Variants in PLEKHG4 observed in about 807,000 individuals in gnomAD.
PLEKHG4 encodes puratrophin-1.
A neutral mutation model predicts 136.9 loss-of-function variants in PLEKHG4; 85 were observed. The ratio of observed to expected loss-of-function variants is 0.62; its 90% CI spans 0.52 to 0.74. The LOEUF (loss-of-function observed/expected upper bound fraction) is 0.74, where lower values mean the gene tolerates loss of function less well. PLEKHG4 is among the 30% of genes least tolerant of loss of function. The probability of loss-of-function intolerance (pLI) is 0.00; values close to 1 mark genes in which losing one functional copy is unlikely to be tolerated. For missense variants in PLEKHG4, 1,317 were observed against 1,527.8 expected, an observed-to-expected ratio of 0.86 and a Z score of 2.30; for synonymous variants, 577 against 646.9, an observed-to-expected ratio of 0.89 and a Z score of 1.64.
chr16:67,288,061 G>T, intron 19 of PLEKHG4, 47 bp downstream of exon 19: 1 of 1,541,312 alleles, frequency 6.5e-7, no homozygotes, highest in East Asian at 2.2e-5. Flanking sequence ...GGAAAGCTGT[G>T]CGGGAAGCAC....
chr16:67,288,407 C>A lies in PLEKHG4; in HGVS notation c.3454+7C>A. 4 of 1,612,368 alleles carry A rather than the reference C, an allele frequency of 2.5e-6. No homozygotes were observed. The highest frequency in any genetic ancestry group is 3.4e-6 in the Non-Finnish European group (4 of 1,179,594). On this transcript the variant is annotated splice_region_variant and intron_variant, in intron 20 of 21. Transcript: ENST00000379344. ...GGCGGCCAGCCCTCTTTGAGTATGT[C>A]TGGGCCTAGCCAGAGGCAGGAGGGC...
chr16:67,282,278 A>G lies in PLEKHG4; in HGVS notation c.1182A>G (p.Gln394=). 1 of 1,613,298 alleles carries G rather than the reference A, an allele frequency of 6.2e-7. No individual in the cohort carries two copies. Among genetic ancestry groups the G allele is most frequent in the Non-Finnish European group, 8.5e-7 (1 of 1,180,002 alleles). Residue 394 remains glutamine, a synonymous_variant, in exon 9 of 22, where the codon CAA becomes CAG. Coordinates refer to ENST00000379344, the MANE Select transcript of PLEKHG4 (RefSeq NM_001129729.3). ...ACTCGCCATGGCTGGCATGGCTACA[A>G]TGCCAGGGGGGCCGGGAGCTGACAT... ...VLDSPWLAWL[Q]CQGGRELTWL...
At position 67,284,594 on chromosome 16, in the gene PLEKHG4, G is replaced by A; in HGVS notation, c.1693-119G>A. 1 of 1,482,898 alleles carries A rather than the reference G, an allele frequency of 6.7e-7. No individual in the cohort carries two copies. Among genetic ancestry groups the A allele is most frequent in the Non-Finnish European group, 9.3e-7 (1 of 1,079,532 alleles). 91.9% of individuals were successfully genotyped at this position (1,482,898 alleles called of 1,614,324 possible). ...GTCTTCAGTTTGACCCTAAAACCCA[G>A]TCACTGGGGCTGTGTCCTGGACAGC... On this transcript the variant is annotated intron_variant, in intron 12 of 21. Coordinates refer to ENST00000379344, the MANE Select transcript of PLEKHG4 (RefSeq NM_001129729.3). This position sits in a 1 kb window ranked among gnomAD's most constrained non-coding sequence, Gnocchi z 4.4.
Position 67,282,492 on chromosome 16 carries a change from C to A in PLEKHG4, c.1254-11C>A. On this transcript the variant is annotated splice_polypyrimidine_tract_variant and intron_variant, in intron 9 of 21. Coordinates refer to ENST00000379344, the MANE Select transcript of PLEKHG4 (RefSeq NM_001129729.3). ...AAGGCAGGGGGTCTAAGATGGTATA[C>A]CCTACACCAGGACGGCAATGGACAA... 2.5e-6 allele frequency: 4 copies of A among 1,613,808 alleles called. No individual in the cohort carries two copies. Among genetic ancestry groups the A allele is most frequent in the Non-Finnish European group, 3.4e-6 (4 of 1,180,036 alleles).
intron 18 of PLEKHG4, 111 bp downstream of exon 18, chr16:67,287,288 C>A: frequency 5.5e-6 from 6 of 1,086,270 alleles, no homozygotes; most frequent in South Asian, 1.3e-5. Flanking sequence ...GAAGGCCCAG[C>A]GACAGCCACC....
In PLEKHG4 at chr16:67,287,303, C is replaced by T. The variant is rs1028102810; in HGVS notation, c.3103+126C>T. ...GAAGGCCCAGCGACAGCCACCAGTG[C>T]AGGAGAAAGGATTTCAAAGCCAGGC... On this transcript the variant is annotated intron_variant, in intron 18 of 21. Transcript: ENST00000379344. The T allele has an allele frequency of 1.1e-5, 11 of 962,276 alleles. No individual in the cohort carries two copies. In the South Asian group the frequency reaches 1.2e-4, roughly 11 times the overall value. 59.6% of individuals were successfully genotyped at this position (962,276 alleles called of 1,614,324 possible).
rs537534872 is a variant in PLEKHG4, at chr16:67,280,646, C to G, written c.500-65C>G. 2 of 1,612,048 alleles carry G rather than the reference C, an allele frequency of 1.2e-6. No homozygotes were observed. The highest frequency in any genetic ancestry group is 1.7e-5 in the Admixed American group (1 of 60,020). On this transcript the variant is annotated intron_variant, in intron 2 of 21. Transcript: ENST00000379344. The surrounding 1 kb of genome is among the most constrained non-coding windows in gnomAD (Gnocchi z 4.4). ...CTCTGACCCTACTCAGGCTGAAGCC[C>G]GGGTCCAAGTAGGGGTCTCTGGATA...
rs1026396643 is a variant in PLEKHG4, at chr16:67,279,551, C to G, written c.-245C>G. ...TGTCCCGTGACGCCGCGCGGCCGCG[C>G]TGTAGTGGCCGTCGAGGCCGCCGTC... On this transcript the variant is annotated 5_prime_UTR_variant, in exon 1 of 22. Transcript: ENST00000379344. 1.3e-5 allele frequency: 2 copies of G among 152,190 alleles called. No homozygotes were observed. Among genetic ancestry groups the G allele is most frequent in the African/African-American group, 4.8e-5 (2 of 41,426 alleles). The allele number at this position is 152,190 out of a possible 1,614,324, so 9.4% of individuals were successfully genotyped here.
chr16:67,288,183 G>T lies in PLEKHG4; in HGVS notation c.3237G>T (p.Ala1079=), dbSNP rs147886474. ...VLKCREVRSR[A]SIAVAPFDHD... ...CTTATGCAGAAGTTCGCTCTCGGGC[G>T]TCCATTGCCGTAGCCCCGTTTGACC... Residue 1079 remains alanine, a synonymous_variant, in exon 20 of 22, where the codon GCG becomes GCT. Transcript: ENST00000379344. The T allele has an allele frequency of 1.2e-6, 2 of 1,613,912 alleles. No homozygotes were observed. Among genetic ancestry groups the T allele is most frequent in the Admixed American group, 1.7e-5 (1 of 60,024 alleles).
chr16:67,284,272 C>T lies in PLEKHG4; in HGVS notation c.1510-3C>T. On this transcript the variant is annotated splice_region_variant and splice_polypyrimidine_tract_variant and intron_variant, in intron 11 of 21. Transcript: ENST00000379344. This position sits in a 1 kb window ranked among gnomAD's most constrained non-coding sequence, Gnocchi z 4.4. Reference sequence around the variant, plus strand: ...TGGCTGAGCCTAGTCTCTGTCTCTGCAGGAGCAGGTCAGGCAAGGGGAGAA... The same window carrying T: ...TGGCTGAGCCTAGTCTCTGTCTCTGTAGGAGCAGGTCAGGCAAGGGGAGAA... The T allele has an allele frequency of 8.7e-6, 14 of 1,613,474 alleles. No individual in the cohort carries two copies. Among genetic ancestry groups the T allele is most frequent in the Non-Finnish European group, 1.2e-5 (14 of 1,179,754 alleles).
Position 67,289,195 on chromosome 16 carries a change from C to A in PLEKHG4, c.*387C>A. Reference sequence around the variant, plus strand: ...AGGAAGAACACAGGTGGGCTCCTAGCAGCTGATCCCCAATGCCTGGCCTTA... The same window carrying A: ...AGGAAGAACACAGGTGGGCTCCTAGAAGCTGATCCCCAATGCCTGGCCTTA... On this transcript the variant is annotated 3_prime_UTR_variant, in exon 22 of 22. Coordinates refer to ENST00000379344, the MANE Select transcript of PLEKHG4 (RefSeq NM_001129729.3). 1 of 448,100 alleles carries A rather than the reference C, an allele frequency of 2.2e-6. No homozygotes were observed. The highest frequency in any genetic ancestry group is 2.4e-5 in the South Asian group (1 of 42,292). The allele number at this position is 448,100 out of a possible 1,614,324, so 27.8% of individuals were successfully genotyped here.
intron 18 of PLEKHG4, chr16:67,287,653 A>T (rs1264984789): frequency 1.7e-6 from 1 of 574,140 alleles, no homozygotes; most frequent in Non-Finnish European, 3.1e-6. Flanking sequence ...TCGGCCTCCC[A>T]AAGTGTTGGG....
At position 67,288,488 on chromosome 16, in the gene PLEKHG4, G is replaced by C. The variant is rs200888271; in HGVS notation, c.3455-1G>C. Reference sequence around the variant, plus strand: ...ACAGTTCACCCAGTCTCCCTCCCTAGCTGCTGAGGACTCAGAGATCTCGTC... The same window carrying C: ...ACAGTTCACCCAGTCTCCCTCCCTACCTGCTGAGGACTCAGAGATCTCGTC... On this transcript the variant is annotated splice_acceptor_variant, in intron 20 of 21. Transcript: ENST00000379344. LOFTEE classifies it high-confidence loss of function. 1,245 of 1,614,182 alleles carry C rather than the reference G, an allele frequency of 7.7e-4. No individual in the cohort carries two copies. The highest frequency in any genetic ancestry group is 9.9e-4 in the Non-Finnish European group (1,172 of 1,180,018).
chr16:67,283,731 T>C (rs887748177), intron 11 of PLEKHG4, among the ~76,000 whole-genome samples: 1 of 151,994 alleles, frequency 6.6e-6, no homozygotes, highest in Non-Finnish European at 1.5e-5. Context: ...AGGAGGGCCC[T>C]TGGGTCTTGG....
In PLEKHG4 at chr16:67,281,786, G is replaced by A. The variant is rs559683534; in HGVS notation, c.954G>A (p.Ser318=). The A allele has an allele frequency of 1.3e-4, 210 of 1,613,782 alleles. 2 individuals carry two copies. In the South Asian group the frequency reaches 1.8e-3, roughly 14 times the overall value. ...TCCCAACGGCGGGGCTGCCCACTTC[G>A]CTAGGAGGAGGCCTGCCTTACTGCC... ...THIPTAGLPT[S]LGGGLPYCHQ... is the part of the protein sequence containing the mutation. Residue 318 remains serine (S), a synonymous_variant, in exon 7 of 22, where the codon TCG becomes TCA. Coordinates refer to ENST00000379344, the MANE Select transcript of PLEKHG4 (RefSeq NM_001129729.3).
At position 67,288,313 on chromosome 16, in the gene PLEKHG4, C is replaced by T; in HGVS notation, c.3367C>T (p.Leu1123=). Reference sequence around the variant, plus strand: ...GCACCTGTACAGAGACCCAGCTCTTCTGGGTCTCCGCTGTCCCCTGTATCC... The same window carrying T: ...GCACCTGTACAGAGACCCAGCTCTTTTGGGTCTCCGCTGTCCCCTGTATCC... ...NLHLYRDPAL[L]GLRCPLYPSF... is the part of the protein sequence containing the mutation. Residue 1123 remains leucine, a synonymous_variant, in exon 20 of 22, where the codon CTG becomes TTG. Transcript: ENST00000379344. The T allele has an allele frequency of 6.2e-7, 1 of 1,612,600 alleles. No homozygotes were observed. Among genetic ancestry groups the T allele is most frequent in the Non-Finnish European group, 8.5e-7 (1 of 1,180,004 alleles).
Position 67,280,945 on chromosome 16 carries a change from A to C in PLEKHG4, c.659A>C (p.Gln220Pro), listed in dbSNP as rs1248472691. The change falls in exon 4 of 22, where the codon CAG (glutamine) becomes CCG (proline). Residue 220 changes from glutamine (Q) to proline (P), a missense_variant. Coordinates refer to ENST00000379344, the MANE Select transcript of PLEKHG4 (RefSeq NM_001129729.3). The surrounding 1 kb of genome is among the most constrained non-coding windows in gnomAD (Gnocchi z 4.4). ...LLCAHSPAWL[Q>P]SECSSQELIR... ...TGTGCCCACAGCCCAGCCTGGCTTC[A>C]GTCTGAGTGCAGCAGCCAGGAACTC... 2 of 1,613,460 alleles carry C rather than the reference A, an allele frequency of 1.2e-6. No individual in the cohort carries two copies. The highest frequency in any genetic ancestry group is 1.7e-6 in the Non-Finnish European group (2 of 1,180,004).
rs1351357177 is a variant in PLEKHG4 at position 67,284,896 on chromosome 16, C to T, written c.1876C>T (p.Arg626Cys). 1.7e-5 allele frequency: 27 copies of T among 1,612,522 alleles called. No individual in the cohort carries two copies. Among genetic ancestry groups the T allele is most frequent in the Non-Finnish European group, 2.2e-5 (26 of 1,179,760 alleles). The change falls in exon 13 of 22, where the codon CGC (arginine) becomes TGC (cysteine). Residue 626 changes from arginine to cysteine, a missense_variant. Coordinates refer to ENST00000379344, the MANE Select transcript of PLEKHG4 (RefSeq NM_001129729.3). The surrounding 1 kb of genome is among the most constrained non-coding windows in gnomAD (Gnocchi z 4.4). ...CTCAGAGGCCATCCGCCAGGAGTGC[C>T]GCTGGGCCTGGGCGCGGTGCCAGGA... The part of the protein sequence containing the change: ...LGSEAIRQEC[R>C]WAWARCQDTW...
chr16:67,281,980 G>A lies in PLEKHG4; in HGVS notation c.1006-29G>A, dbSNP rs375875665. On this transcript the variant is annotated intron_variant, in intron 7 of 21. Coordinates refer to ENST00000379344, the MANE Select transcript of PLEKHG4 (RefSeq NM_001129729.3). The stretch of plus-strand genomic sequence containing the variant: ...AAGCCCAGGACCAACACTGCATGCT[G>A]CTCCGGTCATGCCTGCCCCTGCTTA... 1.8e-5 allele frequency: 29 copies of A among 1,592,262 alleles called. No individual in the cohort carries two copies. The African/African-American group carries it at 3.4e-4, about 18-fold the overall frequency.
Sources: allele counts gnomAD v4.1 joint callset (sites outside exome capture counted in the v4.1 genomes callset), GRCh38; gene constraint gnomAD v4.1.1; non-coding constraint Gnocchi (gnomAD v3.1); transcripts MANE v1.5; gene names NCBI Gene and HGNC (gene_info 2026-07-23, HGNC 2026-07-21).